KCNJ14: variants seen among roughly 807,000 people sequenced by gnomAD.
The protein encoded by KCNJ14 is potassium inwardly rectifying channel subfamily J member 14.
KCNJ14 carries 18 observed loss-of-function variants against 24.5 expected under a neutral mutation model. That is an observed-to-expected ratio of 0.74 (90% CI 0.51 to 1.09). The LOEUF (loss-of-function observed/expected upper bound fraction) is 1.09, where lower values mean the gene tolerates loss of function less well. Among genes scored for constraint, KCNJ14 ranks in the 50% least tolerant of loss-of-function variants. The pLI, the probability that KCNJ14 is intolerant of heterozygous loss-of-function variation, is 0.00. For synonymous variants in KCNJ14, 288 were observed against 270.8 expected (o/e 1.06, Z -0.63); for missense variants, 633 against 623.0 (o/e 1.02, Z -0.17).
At position 48,462,546 on chromosome 19, in the gene KCNJ14, C is replaced by G; in HGVS notation, c.714+108C>G. On this transcript the variant is annotated intron_variant, in intron 2 of 2. Coordinates refer to ENST00000342291, the MANE Select transcript of KCNJ14 (RefSeq NM_013348.4). This position sits in a 1 kb window ranked among gnomAD's most constrained non-coding sequence, Gnocchi z 4.9. ...GTCCTGGAGGGGGCGTGGACTACAA[C>G]TCCCAGCAGCCTCTTGGGCCTGGGG... The G allele has an allele frequency of 1.2e-6, 1 of 810,296 alleles. No individual in the cohort carries two copies. The highest frequency in any genetic ancestry group is 1.9e-6 in the Non-Finnish European group (1 of 537,934). 50.2% of individuals were successfully genotyped at this position (810,296 alleles called of 1,614,324 possible).
chr19:48,461,959 A>C lies in KCNJ14; in HGVS notation c.235A>C (p.Thr79Pro). ...QGARYLSDLF[T>P]TCVDVRWRWM... Reference sequence around the variant, plus strand: ...CGCGCGCTACCTGAGCGACCTGTTCACCACATGCGTGGACGTGCGCTGGCG... The same window carrying C: ...CGCGCGCTACCTGAGCGACCTGTTCCCCACATGCGTGGACGTGCGCTGGCG... The change falls in exon 2 of 3, where the codon ACC (threonine) becomes CCC (proline). Residue 79 changes from threonine to proline, a missense_variant. Transcript: ENST00000342291. 7 of 1,613,074 alleles carry C rather than the reference A, an allele frequency of 4.3e-6. No individual in the cohort carries two copies. The highest frequency in any genetic ancestry group is 5.1e-6 in the Non-Finnish European group (6 of 1,179,644).
In KCNJ14 at chr19:48,462,005, CCTG is replaced by C. The variant is rs761973129; in HGVS notation, c.284_286del (p.Cys95del). On this transcript the variant is annotated inframe_deletion, in exon 2 of 3. Coordinates refer to ENST00000342291, the MANE Select transcript of KCNJ14 (RefSeq NM_013348.4). This position sits in a 1 kb window ranked among gnomAD's most constrained non-coding sequence, Gnocchi z 4.9. The stretch of plus-strand genomic sequence containing the variant: ...TGGCGCTGGATGTGCCTGCTCTTCT[CCTG>C]CTCCTTCCTCGCCTCCTGGCTGCTC... 2 of 1,612,810 alleles carry C rather than the reference CCTG, an allele frequency of 1.2e-6. No individual in the cohort carries two copies. Among genetic ancestry groups the C allele is most frequent in the Non-Finnish European group, 8.5e-7 (1 of 1,179,570 alleles).
At position 48,462,327 on chromosome 19, in the gene KCNJ14, C is replaced by G. The variant is rs1273151566; in HGVS notation, c.603C>G (p.Ser201Arg). ...PKKRNETLVFSENAVVALRDH... is the reference protein window; with the variant it reads ...PKKRNETLVFRENAVVALRDH... ...AGCGCAACGAGACGCTGGTCTTCAGCGAGAACGCCGTCGTGGCGCTGCGCG... is the reference window on the plus strand; with the variant it reads ...AGCGCAACGAGACGCTGGTCTTCAGGGAGAACGCCGTCGTGGCGCTGCGCG... The change falls in exon 2 of 3, where the codon AGC becomes AGG. Residue 201 changes from serine (S) to arginine (R), a missense_variant. Physicochemically the swap from Ser to Arg is moderately radical, Grantham distance 110. Transcript: ENST00000342291. The surrounding 1 kb of genome is among the most constrained non-coding windows in gnomAD (Gnocchi z 4.9). 1.9e-6 allele frequency: 3 copies of G among 1,548,146 alleles called. No homozygotes were observed. Among genetic ancestry groups the G allele is most frequent in the East Asian group, 4.9e-5 (2 of 41,102 alleles).
rs1971600069 is a variant in KCNJ14 at position 48,461,778 on chromosome 19, C to A, written c.54C>A (p.Asp18Glu). 1.4e-6 allele frequency: 2 copies of A among 1,456,020 alleles called. No homozygotes were observed. Among genetic ancestry groups the A allele is most frequent in the Non-Finnish European group, 1.8e-6 (2 of 1,106,990 alleles). 90.2% of individuals were successfully genotyped at this position (1,456,020 alleles called of 1,614,324 possible). A position where few individuals can be genotyped will look rare whatever the true frequency, so the allele number is the denominator to read the frequency against. ...TCAGCGGCGCCCTGGATTCGGGAGA[C>A]AGCCGGGCGGGCGATGAAGAGGAGG... is the stretch of plus-strand genomic sequence containing the variant. ...RRLSGALDSG[D>E]SRAGDEEEAG... Residue 18 changes from aspartate (D) to glutamate (E), a missense_variant, in exon 2 of 3, where the codon GAC becomes GAA. Physicochemically the swap from Asp to Glu is conservative, Grantham distance 45 (BLOSUM62 2). Coordinates refer to ENST00000342291, the MANE Select transcript of KCNJ14 (RefSeq NM_013348.4).
rs1601013793 is a variant in KCNJ14 at position 48,465,050 on chromosome 19, C to G, written c.*273C>G. Reference sequence around the variant, plus strand: ...TTCTGGATCACCCAAGAGGAAAAGACTGGCAGTTCTAGATTCCTCTATATG... The same window carrying G: ...TTCTGGATCACCCAAGAGGAAAAGAGTGGCAGTTCTAGATTCCTCTATATG... On this transcript the variant is annotated 3_prime_UTR_variant, in exon 3 of 3. Transcript: ENST00000342291. The G allele has an allele frequency of 6.4e-6, 3 of 465,324 alleles. No individual in the cohort carries two copies. The East Asian group carries it at 1.1e-4, about 16-fold the overall frequency. 28.8% of individuals were successfully genotyped at this position (465,324 alleles called of 1,614,324 possible).
At chr19:48,460,539 G>A (rs575750732) in intron 1 of KCNJ14, among the ~76,000 whole-genome samples, 7 of 152,016 alleles carry the variant, frequency 4.6e-5, no homozygotes, top group Non-Finnish European at 8.8e-5. Context: ...CACCACACCC[G>A]GCAGTCTTGG....
In KCNJ14 at chr19:48,462,482, G is replaced by A. The variant is rs750485384; in HGVS notation, c.714+44G>A. The A allele has an allele frequency of 2.2e-5, 30 of 1,383,528 alleles. No individual in the cohort carries two copies. The highest frequency in any genetic ancestry group is 5.5e-5 in the Admixed American group (2 of 36,326). The allele number at this position is 1,383,528 out of a possible 1,614,324, so 85.7% of individuals were successfully genotyped here. A position where few individuals can be genotyped will look rare whatever the true frequency, so the allele number is the denominator to read the frequency against. ...GCGGGGACTTCCGTGAGCCCTGGGG[G>A]ATTGTGGGAGATGTAGGCCCGAGGG... On this transcript the variant is annotated intron_variant, in intron 2 of 2. Transcript: ENST00000342291. The surrounding 1 kb of genome is among the most constrained non-coding windows in gnomAD (Gnocchi z 4.9).
chr19:48,458,179 G>A (rs1252978459), intron 1 of KCNJ14, among the ~76,000 whole-genome samples: 1 of 152,096 alleles, frequency 6.6e-6, no homozygotes, highest in East Asian at 1.9e-4. Flanking sequence ...TTTTGCATCT[G>A]TTTTCATTTC....
rs1165373974 is a variant in KCNJ14, at chr19:48,466,349, G to A, written c.*1572G>A. The A allele has an allele frequency of 6.6e-6, 1 of 151,792 alleles. No individual in the cohort carries two copies. 9.4% of individuals were successfully genotyped at this position (151,792 alleles called of 1,614,324 possible). On this transcript the variant is annotated 3_prime_UTR_variant, in exon 3 of 3. Transcript: ENST00000342291. ...CCTGCCTCGGTCTCCCAAAGTGCTG[G>A]GATTACGGGTGTGAGCCACCATGCC... is the stretch of plus-strand genomic sequence containing the variant.
rs967075582 is a variant in KCNJ14, at chr19:48,462,147, G to C, written c.423G>C (p.Ala141=). The change falls in exon 2 of 3, where the codon GCG becomes GCC. Residue 141 remains alanine (A), a synonymous_variant. Transcript: ENST00000342291. This position sits in a 1 kb window ranked among gnomAD's most constrained non-coding sequence, Gnocchi z 4.9. Reference sequence around the variant, plus strand: ...GCTTCCTGGCCGCCTTCCTCTTCGCGCTGGAGACGCAGACGTCCATCGGCT... The same window carrying C: ...GCTTCCTGGCCGCCTTCCTCTTCGCCCTGGAGACGCAGACGTCCATCGGCT... ...VASFLAAFLF[A]LETQTSIGYG... 3.1e-6 allele frequency: 5 copies of C among 1,588,902 alleles called. No homozygotes were observed. Among genetic ancestry groups the C allele is most frequent in the Non-Finnish European group, 4.3e-6 (5 of 1,168,686 alleles).
intron 1 of KCNJ14, among the ~76,000 whole-genome samples, chr19:48,460,019 C>CAAA (rs548938477): frequency 0.02 from 2,475 of 123,082 alleles, 26 homozygotes; most frequent in East Asian, 0.056. Flanking sequence ...GAGTCCATCT[C>CAAA]AAAAAAAAAA....
chr19:48,464,637 G>A lies in KCNJ14; in HGVS notation c.1171G>A (p.Glu391Lys), dbSNP rs1221254058. The A allele has an allele frequency of 1.9e-6, 3 of 1,614,006 alleles. No homozygotes were observed. The highest frequency in any genetic ancestry group is 2.2e-5 in the East Asian group (1 of 44,898). ...CGGCTCTCTGACTGCATTTTGTTAT[G>A]AGAATGAACTTGCTCTGAGCTGCTG... ...FPGSLTAFCYENELALSCCQE... is the reference protein window; with the variant it reads ...FPGSLTAFCYKNELALSCCQE... Residue 391 changes from glutamate to lysine, a missense_variant, in exon 3 of 3, where the codon GAG becomes AAG. Glu to Lys is a moderately conservative substitution (Grantham distance 56). Transcript: ENST00000342291.
chr19:48,462,888 G>A lies in KCNJ14; in HGVS notation c.714+450G>A, dbSNP rs1971616803. On this transcript the variant is annotated intron_variant, in intron 2 of 2. Coordinates refer to ENST00000342291, the MANE Select transcript of KCNJ14 (RefSeq NM_013348.4). The surrounding 1 kb of genome is among the most constrained non-coding windows in gnomAD (Gnocchi z 4.9). Reference sequence around the variant, plus strand: ...TCCCACTGGACACTGTGGCACAGTCGGAGGCCTGTGACTTGAGGCCCCCGG... The same window carrying A: ...TCCCACTGGACACTGTGGCACAGTCAGAGGCCTGTGACTTGAGGCCCCCGG... 1.3e-5 allele frequency among the ~76,000 whole-genome samples: 2 copies of A among 152,126 alleles called. No homozygotes were observed. Among genetic ancestry groups the A allele is most frequent in the Admixed American group, 1.3e-4 (2 of 15,280 alleles).
intron 1 of KCNJ14, among the ~76,000 whole-genome samples, chr19:48,459,511 C>A (rs1281407049): frequency 2.0e-5 from 3 of 152,120 alleles, no homozygotes; most frequent in African/African-American, 7.2e-5. Flanking sequence ...CCTCCCACCT[C>A]AACCTTCCAA....
At position 48,464,599 on chromosome 19, in the gene KCNJ14, A is replaced by C; in HGVS notation, c.1133A>C (p.Lys378Thr). 1 of 1,614,138 alleles carries C rather than the reference A, an allele frequency of 6.2e-7. No homozygotes were observed. Reference protein sequence around the residue: ...ERAEQASHSLKSSFPGSLTAF... With the variant: ...ERAEQASHSLTSSFPGSLTAF... Reference sequence around the variant, plus strand: ...GCAGAGCAGGCTTCCCACAGCCTCAAGTCTAGTTTCCCCGGCTCTCTGACT... The same window carrying C: ...GCAGAGCAGGCTTCCCACAGCCTCACGTCTAGTTTCCCCGGCTCTCTGACT... Residue 378 changes from lysine to threonine, a missense_variant, in exon 3 of 3, where the codon AAG (lysine) becomes ACG (threonine). Transcript: ENST00000342291.
chr19:48,462,242 G>A lies in KCNJ14; in HGVS notation c.518G>A (p.Gly173Asp), dbSNP rs1387354277. 4 of 1,548,444 alleles carry A rather than the reference G, an allele frequency of 2.6e-6. No homozygotes were observed. Among genetic ancestry groups the A allele is most frequent in the South Asian group, 2.4e-5 (2 of 84,262 alleles). Residue 173 changes from glycine to aspartate, a missense_variant, in exon 2 of 3, where the codon GGC becomes GAC. Physicochemically the swap from Gly to Asp is moderately conservative, Grantham distance 94 (BLOSUM62 -1). Coordinates refer to ENST00000342291, the MANE Select transcript of KCNJ14 (RefSeq NM_013348.4). The surrounding 1 kb of genome is among the most constrained non-coding windows in gnomAD (Gnocchi z 4.9). ...GCCGTGGTGCTGCAGTGCATTGCCG[G>A]CTGCGTGCTCGACGCCTTCGTCGTG... ...VAAVVLQCIA[G>D]CVLDAFVVGA...
chr19:48,458,819 C>G (rs1971562093), intron 1 of KCNJ14, among the ~76,000 whole-genome samples: 1 of 151,508 alleles, frequency 6.6e-6, no homozygotes, highest in Non-Finnish European at 1.5e-5. Flanking sequence ...GCCTGTAATT[C>G]CAGATACTCA....
At position 48,455,856 on chromosome 19, in the gene KCNJ14, A is replaced by AC. The variant is rs1971532705; in HGVS notation, c.-58_-57insC. On this transcript the variant is annotated splice_region_variant and 5_prime_UTR_variant, in exon 1 of 3. The change abolishes the stop of an existing upstream ORF in the 5' untranslated region. Transcript: ENST00000342291. ...TCACCTCCCGGCATCCTGAGCGGCC[A>AC]AGGTGAGCAGTGGGGTCTGAGAGTC... 1.3e-5 allele frequency: 2 copies of AC among 152,466 alleles called. No individual in the cohort carries two copies. The highest frequency in any genetic ancestry group is 6.5e-5 in the Admixed American group (1 of 15,286). The allele number at this position is 152,466 out of a possible 1,614,324, so 9.4% of individuals were successfully genotyped here.
At chr19:48,458,935 C>CAAAA (rs34990679) in intron 1 of KCNJ14, among the ~76,000 whole-genome samples, 23 of 38,570 alleles carry the variant, frequency 6.0e-4, no homozygotes, top group Admixed American at 1.4e-3. Context: ...GACTCCGTCT[C>CAAAA]AAAAAAAAAA....
Sources: gnomAD v4.1 joint callset for allele counts (sites outside exome capture counted in the v4.1 genomes callset) on GRCh38, gnomAD v4.1.1 for gene constraint, Gnocchi (gnomAD v3.1) non-coding constraint, MANE v1.5 for transcripts, NCBI Gene and HGNC (gene_info 2026-07-23, HGNC 2026-07-21) for gene names.